The following POLL variants were observed in gnomAD, a reference collection of about 807,000 sequenced individuals.
POLL encodes the protein DNA polymerase beta-2.
In POLL, 44 loss-of-function variants were observed where a neutral mutation model predicts 58.1. The ratio of observed to expected loss-of-function variants is 0.76; its 90% CI spans 0.60 to 0.97. The LOEUF (loss-of-function observed/expected upper bound fraction) is 0.97, where lower values mean the gene tolerates loss of function less well. Ranked by LOEUF, POLL falls within the 50% of genes least tolerant of loss-of-function variation. POLL has a pLI of 0.00. For synonymous variants in POLL, 290 were observed against 283.2 expected, an observed-to-expected ratio of 1.02 and a Z score of -0.24; for missense variants, 632 against 736.8, an observed-to-expected ratio of 0.86 and a Z score of 1.65.
Position 101,580,139 on chromosome 10 carries a change from C to G in POLL, c.1363+109G>C. ...GATGGGATGCTGGCAAAGCACTGTT[C>G]CCCTGCTTCCTGCCTCAGGACTGGA... On this transcript the variant is annotated intron_variant, in intron 8 of 8. Coordinates refer to ENST00000370162, the MANE Select transcript of POLL (RefSeq NM_001174084.2). This position sits in a 1 kb window ranked among gnomAD's most constrained non-coding sequence, Gnocchi z 4.1. 3 of 977,068 alleles carry G rather than the reference C, an allele frequency of 3.1e-6. No individual in the cohort carries two copies. The highest frequency in any genetic ancestry group is 4.7e-6 in the Non-Finnish European group (3 of 644,614). 60.5% of individuals were successfully genotyped at this position (977,068 alleles called of 1,614,324 possible).
chr10:101,585,987 G>C lies in POLL; in HGVS notation c.285C>G (p.Leu95=). ...VDEGMDYERA[L]RLLRLPQLPP... is the part of the protein sequence containing the mutation. ...GCAGCTGGGGTAGTCTGAGAAGGCGGAGGGCTCGCTCATAGTCCATGCCTT... is the reference window on the plus strand; with the variant it reads ...GCAGCTGGGGTAGTCTGAGAAGGCGCAGGGCTCGCTCATAGTCCATGCCTT... Residue 95 remains leucine (L), a synonymous_variant, in exon 3 of 9, where the codon CTC becomes CTG. Transcript: ENST00000370162. 1.9e-6 allele frequency: 3 copies of C among 1,614,130 alleles called. No individual in the cohort carries two copies. The highest frequency in any genetic ancestry group is 1.7e-6 in the Non-Finnish European group (2 of 1,180,032).
intron 1 of POLL, 96 bp from the exon 2 acceptor site, chr10:101,587,502 G>C: frequency 1.3e-6 from 2 of 1,500,640 alleles, no homozygotes; most frequent in Non-Finnish European, 1.8e-6. Flanking sequence ...AGCCCAGTTT[G>C]GGGAAGCGGG....
chr10:101,584,127 A>G (rs536266612), intron 5 of POLL, among the ~76,000 whole-genome samples: 1 of 152,286 alleles, frequency 6.6e-6, no homozygotes, highest in South Asian at 2.1e-4. Flanking sequence ...TTAGTGAATG[A>G]CAGGAACCAG....
Position 101,582,877 on chromosome 10 carries a change from C to T in POLL, c.1080G>A (p.Leu360=). 2 of 1,614,192 alleles carry T rather than the reference C, an allele frequency of 1.2e-6. No individual in the cohort carries two copies. The highest frequency in any genetic ancestry group is 1.7e-6 in the Non-Finnish European group (2 of 1,180,036). ...QMWYQQGFRS[L]EDIRSQASLT... is the part of the protein sequence containing the mutation. ...GGGAGGCCTGGCTGCGGATGTCTTC[C>T]AGACTTCGGAAGCCCTGGAAAAAAG... The change falls in exon 7 of 9, where the codon CTG becomes CTA. Residue 360 remains leucine, a synonymous_variant. Coordinates refer to ENST00000370162, the MANE Select transcript of POLL (RefSeq NM_001174084.2).
rs1417071516 is a variant in POLL, at chr10:101,585,862, C to G, written c.410G>C (p.Arg137Thr). ...VAGFSIFIPS[R>T]YLDHPQPSKA... Reference sequence around the variant, plus strand: ...GAAAAAAAGACTGGGATCAGCCCACCTACTGGGGATGAAGATGCTGAATCC... The same window carrying G: ...GAAAAAAAGACTGGGATCAGCCCACGTACTGGGGATGAAGATGCTGAATCC... Residue 137 changes from arginine to threonine, a missense_variant and splice_region_variant, in exon 3 of 9, where the codon AGG (arginine) becomes ACG (threonine). Coordinates refer to ENST00000370162, the MANE Select transcript of POLL (RefSeq NM_001174084.2). The G allele has an allele frequency of 1.3e-6, 2 of 1,564,692 alleles. No individual in the cohort carries two copies. Among genetic ancestry groups the G allele is most frequent in the Admixed American group, 1.8e-5 (1 of 55,156 alleles).
intron 6 of POLL, chr10:101,583,262 G>A (rs2063103927): frequency 3.3e-6 from 2 of 597,260 alleles, no homozygotes; most frequent in East Asian, 2.8e-5. Flanking sequence ...TTGCTGGTCT[G>A]GGGAGACTGA....
chr10:101,587,906 GA>G lies in POLL; in HGVS notation c.-132del. The stretch of plus-strand genomic sequence containing the variant: ...GCACCTGTCCTGGTCTCAGCCTCTC[GA>G]CATGGGGGTGCTCAGCGCCGCAGCT... On this transcript the variant is annotated 5_prime_UTR_variant, in exon 1 of 9. The change abolishes the stop of an existing upstream ORF in the 5' untranslated region. Transcript: ENST00000370162. 1 of 1,206,384 alleles carries G rather than the reference GA, an allele frequency of 8.3e-7. No homozygotes were observed. The highest frequency in any genetic ancestry group is 1.1e-6 in the Non-Finnish European group (1 of 949,948). The allele number at this position is 1,206,384 out of a possible 1,614,324, so 74.7% of individuals were successfully genotyped here.
chr10:101,584,671 C>T lies in POLL; in HGVS notation c.822G>A (p.Trp274Ter), dbSNP rs762366892. Residue 274 changes from tryptophan to a stop codon, truncating the protein, a stop_gained, in exon 5 of 9, where the codon TGG becomes TGA. Transcript: ENST00000370162. LOFTEE classifies it high-confidence loss of function. ...AKAYSVQGDK[W>*]RALGYAKAIN... ...TGGCCTTGGCATAGCCCAGGGCCCT[C>T]CACTTGTCTCCCTGAACACTGTAGG... 6.2e-7 allele frequency: 1 copy of T among 1,613,516 alleles called. No homozygotes were observed. Among genetic ancestry groups the T allele is most frequent in the Admixed American group, 1.7e-5 (1 of 59,946 alleles).
chr10:101,587,673 G>T, intron 1 of POLL, 149 bp downstream of exon 1: 1 of 971,670 alleles, frequency 1.0e-6, no homozygotes, highest in Non-Finnish European at 1.4e-6. Flanking sequence ...TTCCTCAGAG[G>T]GGTTGCGCTA....
In POLL at chr10:101,580,599, G is replaced by A. The variant is rs749883980; in HGVS notation, c.1195-183C>T. The A allele has an allele frequency of 5.1e-5, 30 of 590,514 alleles. No individual in the cohort carries two copies. The highest frequency in any genetic ancestry group is 7.2e-5 in the Non-Finnish European group (24 of 335,052). The allele number at this position is 590,514 out of a possible 1,614,324, so 36.6% of individuals were successfully genotyped here. Reference sequence around the variant, plus strand: ...GTTCTTTCCCTTCGCTAGGACAGGAGAGAAGAAAAAGCTCACTGTGCAGGA... The same window carrying A: ...GTTCTTTCCCTTCGCTAGGACAGGAAAGAAGAAAAAGCTCACTGTGCAGGA... On this transcript the variant is annotated intron_variant, in intron 7 of 8. Transcript: ENST00000370162. The surrounding 1 kb of genome is among the most constrained non-coding windows in gnomAD (Gnocchi z 4.1).
At position 101,583,603 on chromosome 10, in the gene POLL, T is replaced by C; in HGVS notation, c.970A>G (p.Lys324Glu). 6.2e-7 allele frequency: 1 copy of C among 1,614,160 alleles called. No individual in the cohort carries two copies. Among genetic ancestry groups the C allele is most frequent in the Non-Finnish European group, 8.5e-7 (1 of 1,180,040 alleles). Residue 324 changes from lysine (K) to glutamate (E), a missense_variant, in exon 6 of 9, where the codon AAG becomes GAG. Physicochemically the swap from Lys to Glu is moderately conservative, Grantham distance 56. Coordinates refer to ENST00000370162, the MANE Select transcript of POLL (RefSeq NM_001174084.2). ...ACGCTCTCACTGATATGGTCCAGCT[T>C]CCGCAAATGCCCGCTCTCCAGGATC... is the stretch of plus-strand genomic sequence containing the variant. ...IEILESGHLR[K>E]LDHISESVPV...
Position 101,588,110 on chromosome 10 carries a change from C to G in POLL, c.-335G>C. ...AAGCTGGAGTGCCCGACCCCGGCCC[C>G]AAGAGTCTCTCCAACCCCCAGAGTC... On this transcript the variant is annotated 5_prime_UTR_variant, in exon 1 of 9. Transcript: ENST00000370162. 1 of 1,512,274 alleles carries G rather than the reference C, an allele frequency of 6.6e-7. No homozygotes were observed. 93.7% of individuals were successfully genotyped at this position (1,512,274 alleles called of 1,614,324 possible).
chr10:101,579,284 T>C lies in POLL; in HGVS notation c.*169A>G. The C allele has an allele frequency of 1.4e-6, 1 of 730,272 alleles. No individual in the cohort carries two copies. The highest frequency in any genetic ancestry group is 2.2e-6 in the Non-Finnish European group (1 of 456,762). The allele number at this position is 730,272 out of a possible 1,614,324, so 45.2% of individuals were successfully genotyped here. ...CAGACACTGGGAGCCGGGCAGACAC[T>C]GGGAGCCGGGCTGGCTCTTGCTTCA... is the stretch of plus-strand genomic sequence containing the variant. On this transcript the variant is annotated 3_prime_UTR_variant, in exon 9 of 9. Transcript: ENST00000370162. This position sits in a 1 kb window ranked among gnomAD's most constrained non-coding sequence, Gnocchi z 4.4.
chr10:101,582,169 T>C (rs932737197), intron 7 of POLL: 2 of 153,718 alleles, frequency 1.3e-5, no homozygotes, highest in East Asian at 3.8e-4. Context: ...CTTAACTCCA[T>C]CTTGATGGAG....
chr10:101,587,289 T>C lies in POLL; in HGVS notation c.72A>G (p.Val24=). 3.1e-6 allele frequency: 5 copies of C among 1,614,154 alleles called. No individual in the cohort carries two copies. The highest frequency in any genetic ancestry group is 4.2e-6 in the Non-Finnish European group (5 of 1,179,992). Residue 24 remains valine (V), a synonymous_variant, in exon 2 of 9, where the codon GTA becomes GTG. Transcript: ENST00000370162. The part of the protein sequence containing the change: ...QKIHADASSK[V]LAKIPRREEG... ...CTTCCCTCCTAGGAATCTTTGCAAG[T>C]ACTTTTGATGATGCATCAGCATGAA...
Position 101,579,238 on chromosome 10 carries a change from C to G in POLL, c.*215G>C. On this transcript the variant is annotated 3_prime_UTR_variant, in exon 9 of 9. Coordinates refer to ENST00000370162, the MANE Select transcript of POLL (RefSeq NM_001174084.2). The surrounding 1 kb of genome is among the most constrained non-coding windows in gnomAD (Gnocchi z 4.4). Reference sequence around the variant, plus strand: ...GAGGTAGAAGGGGTGGCAGCCTGCTCCTGTCTGGGAGAGGGCTGGGCAGAC... The same window carrying G: ...GAGGTAGAAGGGGTGGCAGCCTGCTGCTGTCTGGGAGAGGGCTGGGCAGAC... 1 of 589,190 alleles carries G rather than the reference C, an allele frequency of 1.7e-6. No individual in the cohort carries two copies. The highest frequency in any genetic ancestry group is 2.2e-5 in the South Asian group (1 of 44,856). The allele number at this position is 589,190 out of a possible 1,614,324, so 36.5% of individuals were successfully genotyped here.
rs1472859690 is a variant in POLL, at chr10:101,586,099, G to T, written c.173C>A (p.Ala58Glu). 1 of 1,613,818 alleles carries T rather than the reference G, an allele frequency of 6.2e-7. No homozygotes were observed. ...AACAATCTGCTTCTCAAAGAGTTCT[G>T]CCCGGGCTCGTCCAATGCCAGTGCG... Reference protein sequence around the residue: ...VVRTGIGRARAELFEKQIVQH... With the variant: ...VVRTGIGRAREELFEKQIVQH... The change falls in exon 3 of 9, where the codon GCA becomes GAA. Residue 58 changes from alanine to glutamate, a missense_variant. Ala to Glu is a moderately radical substitution (Grantham distance 107). Transcript: ENST00000370162.
At chr10:101,586,485 T>C (rs917141424) in intron 2 of POLL, among the ~76,000 whole-genome samples, 2 of 152,134 alleles carry the variant, frequency 1.3e-5, no homozygotes, top group Non-Finnish European at 1.5e-5. Flanking sequence ...GTTTGTTTGT[T>C]TTGTTTTCTT....
intron 2 of POLL, 61 bp downstream of exon 2, chr10:101,587,185 C>T: frequency 6.2e-7 from 1 of 1,613,364 alleles, no homozygotes; most frequent in Non-Finnish European, 8.5e-7. Context: ...CAACGTAGGG[C>T]TGAAGCACAT....
Sources: allele counts gnomAD v4.1 joint callset (sites outside exome capture counted in the v4.1 genomes callset), GRCh38; gene constraint gnomAD v4.1.1; non-coding constraint Gnocchi (gnomAD v3.1); transcripts MANE v1.5; gene names NCBI Gene and HGNC (gene_info 2026-07-23, HGNC 2026-07-21).